Variants in BCAR3 observed in about 807,000 individuals in gnomAD.
The protein encoded by BCAR3 is BCAR3 adaptor protein, NSP family member.
BCAR3 carries 37 observed loss-of-function variants against 80.1 expected under a neutral mutation model. The ratio of observed to expected loss-of-function variants is 0.46; its 90% CI spans 0.36 to 0.61. The LOEUF is 0.61. Among genes scored for constraint, BCAR3 ranks in the 20% least tolerant of loss-of-function variants. The pLI is 0.00. For missense variants in BCAR3, 978 were observed against 1,068.2 expected, an observed-to-expected ratio of 0.92 and a Z score of 1.18; for synonymous variants, 389 against 418.9, an observed-to-expected ratio of 0.93 and a Z score of 0.87.
intron 2 of BCAR3, among the ~76,000 whole-genome samples, chr1:93,757,883 T>A (rs1651800382): frequency 6.6e-6 from 1 of 152,224 alleles, no homozygotes; most frequent in Admixed American, 6.5e-5. Flanking sequence ...AATGTGCTCT[T>A]GGGAACAATA....
At chr1:93,842,797 A>G (rs1318231482) in intron 2 of BCAR3, among the ~76,000 whole-genome samples, 1 of 151,604 alleles carries the variant, frequency 6.6e-6, no homozygotes, top group Admixed American at 6.6e-5. Flanking sequence ...ATCACCCCAA[A>G]CTGTACTTCC....
At chr1:93,670,912 G>T (rs1013153922) in intron 2 of BCAR3, among the ~76,000 whole-genome samples, 5 of 152,086 alleles carry the variant, frequency 3.3e-5, no homozygotes, top group Non-Finnish European at 5.9e-5. Context: ...CAAGTTTTAA[G>T]GTCAAAGAGG....
intron 2 of BCAR3, among the ~76,000 whole-genome samples, chr1:93,751,771 C>A (rs1354344880): frequency 1.3e-5 from 2 of 152,208 alleles, no homozygotes; most frequent in African/African-American, 4.8e-5. Flanking sequence ...CTGGTGCTCT[C>A]AGCCAGCCCC....
chr1:93,720,748 C>T (rs1650364523), intron 2 of BCAR3, among the ~76,000 whole-genome samples: 3 of 152,220 alleles, frequency 2.0e-5, no homozygotes, highest in Non-Finnish European at 1.5e-5. Context: ...GGATGCTCCC[C>T]GGAGCCAGAG....
chr1:93,618,740 T>C (rs530736648), intron 3 of BCAR3, among the ~76,000 whole-genome samples: 1 of 152,290 alleles, frequency 6.6e-6, no homozygotes, highest in Admixed American at 6.5e-5. Context: ...TCCCAAGCTC[T>C]CAAATGGCAG....
intron 2 of BCAR3, among the ~76,000 whole-genome samples, chr1:93,765,752 C>T (rs559501076): frequency 1.8e-4 from 28 of 151,768 alleles, no homozygotes; most frequent in South Asian, 8.4e-4. Flanking sequence ...CTGCAACCTC[C>T]GCCTCCCAGG....
At chr1:93,673,309 C>A (rs1317821078) in intron 2 of BCAR3, among the ~76,000 whole-genome samples, 1 of 152,168 alleles carries the variant, frequency 6.6e-6, no homozygotes, top group Non-Finnish European at 1.5e-5. Flanking sequence ...TTTCCACCAC[C>A]CTATAAAAGG....
chr1:93,607,575 C>T (rs1324890239), intron 3 of BCAR3, among the ~76,000 whole-genome samples: 2 of 152,028 alleles, frequency 1.3e-5, no homozygotes, highest in East Asian at 1.9e-4. Flanking sequence ...TCACTCACTC[C>T]GCATCCAAGC....
At position 93,582,304 on chromosome 1, in the gene BCAR3, G is replaced by C. The variant is rs1329463591; in HGVS notation, c.1683C>G (p.Cys561Trp). 6.2e-7 allele frequency: 1 copy of C among 1,612,206 alleles called. No individual in the cohort carries two copies. Among genetic ancestry groups the C allele is most frequent in the Admixed American group, 1.7e-5 (1 of 59,990 alleles). The change falls in exon 7 of 12, where the codon TGC (cysteine) becomes TGG (tryptophan). Residue 561 changes from cysteine (C) to tryptophan (W), a missense_variant. Physicochemically the swap from Cys to Trp is radical, Grantham distance 215. Transcript: ENST00000260502. ...VIAQHVLSMD[C>W]RVARILGVSE... is the part of the protein sequence containing the mutation. ...CACCAGGACCCCCAGCGCTTACCCT[G>C]CAGTCCATGCTCAGTACGTGCTGGG...
intron 2 of BCAR3, among the ~76,000 whole-genome samples, chr1:93,744,107 C>T (rs1431468396): frequency 6.6e-6 from 1 of 152,210 alleles, no homozygotes; most frequent in Non-Finnish European, 1.5e-5. Context: ...TTCATATCTG[C>T]AATCTCCCCT....
intron 2 of BCAR3, among the ~76,000 whole-genome samples, chr1:93,659,991 A>G (rs926864204): frequency 2.0e-5 from 3 of 152,046 alleles, no homozygotes; most frequent in African/African-American, 7.3e-5. Context: ...CAGGGACCAC[A>G]CTGTATTCAC....
intron 3 of BCAR3, among the ~76,000 whole-genome samples, chr1:93,698,971 A>G (rs1409046027): frequency 1.3e-5 from 2 of 152,216 alleles, no homozygotes; most frequent in Admixed American, 6.5e-5. Context: ...GGCTTGGTAC[A>G]GAAGGTGGAC....
chr1:93,702,844 A>G (rs1649695001), intron 3 of BCAR3, among the ~76,000 whole-genome samples: 1 of 152,196 alleles, frequency 6.6e-6, no homozygotes, highest in African/African-American at 2.4e-5. Context: ...GAATACTGCA[A>G]TCCCCTTAGG....
rs751980713 is a variant in BCAR3, at chr1:93,589,242, C to T, written c.664G>A (p.Glu222Lys). ...YSRVQYQFEM[E>K]SFDSIPGLVR... Reference sequence around the variant, plus strand: ...AGGCCGGGGATGGAGTCGAAGCTCTCCATCTCGAACTGGTACTGCACGCGG... The same window carrying T: ...AGGCCGGGGATGGAGTCGAAGCTCTTCATCTCGAACTGGTACTGCACGCGG... Residue 222 changes from glutamate to lysine, a missense_variant, in exon 5 of 12, where the codon GAG (glutamate) becomes AAG (lysine). Transcript: ENST00000260502. 8.1e-6 allele frequency: 13 copies of T among 1,614,032 alleles called. No homozygotes were observed. The East Asian group carries it at 2.2e-4, about 28-fold the overall frequency.
chr1:93,815,882 G>A (rs955319583), intron 2 of BCAR3, among the ~76,000 whole-genome samples: 27 of 152,124 alleles, frequency 1.8e-4, no homozygotes, highest in Non-Finnish European at 2.4e-4. Context: ...GAATGCTGCC[G>A]TGGTCAGGGC....
At chr1:93,747,901 G>C (rs1651413243) in intron 2 of BCAR3, among the ~76,000 whole-genome samples, 1 of 121,882 alleles carries the variant, frequency 8.2e-6, no homozygotes, top group Non-Finnish European at 1.7e-5. Context: ...TATGATCCTG[G>C]AGAGTCCTGC....
At chr1:93,566,025 ATTTAC>A (rs1346477068) in intron 11 of BCAR3, among the ~76,000 whole-genome samples, 3 of 152,162 alleles carry the variant, frequency 2.0e-5, no homozygotes, top group Non-Finnish European at 2.9e-5. Context: ...CACCAGAGTA[ATTTAC>A]TTTAAAACAG....
chr1:93,691,731 AATCCCTGCAAAGTAAGGGTCATT>A (rs1649197611), intron 3 of BCAR3, among the ~76,000 whole-genome samples: 1 of 152,198 alleles, frequency 6.6e-6, no homozygotes, highest in Non-Finnish European at 1.5e-5. Context: ...AGGCTCAGTC[AATCCCTGCAAAGTAAGGGTCATT>A]ATCCCATTTT....
At chr1:93,691,151 G>A (rs917175224) in intron 3 of BCAR3, among the ~76,000 whole-genome samples, 3 of 152,170 alleles carry the variant, frequency 2.0e-5, no homozygotes, top group Admixed American at 1.3e-4. Context: ...CTGAAGGTGA[G>A]ACATTCTAAT....
Sources: allele counts gnomAD v4.1 joint callset (sites outside exome capture counted in the v4.1 genomes callset), GRCh38; gene constraint gnomAD v4.1.1; transcripts MANE v1.5; gene names NCBI Gene and HGNC (gene_info 2026-07-23, HGNC 2026-07-21).